Variants in MANBA observed in about 807,000 individuals in gnomAD.
The protein encoded by MANBA is mannosidase beta.
A neutral mutation model predicts 111.1 loss-of-function variants in MANBA; 83 were observed. The ratio of observed to expected loss-of-function variants is 0.75; its 90% CI spans 0.63 to 0.90. The LOEUF is 0.90. MANBA is among the 40% of genes least tolerant of loss of function. The pLI is 0.00. For missense variants in MANBA, 1,036 were observed against 1,069.0 expected, an observed-to-expected ratio of 0.97 and a Z score of 0.43; for synonymous variants, 370 against 378.7, an observed-to-expected ratio of 0.98 and a Z score of 0.27.
At chr4:102,722,159 G>T (rs1168933147) in intron 4 of MANBA, among the ~76,000 whole-genome samples, 1 of 151,994 alleles carries the variant, frequency 6.6e-6, no homozygotes, top group Non-Finnish European at 1.5e-5. Context: ...ATGGGTAATG[G>T]GTAGAGTTTC....
chr4:102,681,464 AT>A (rs1189194323), intron 7 of MANBA: 1 of 152,242 alleles, frequency 6.6e-6, no homozygotes, highest in Non-Finnish European at 1.5e-5. Flanking sequence ...ATTTAAAAAA[AT>A]AAATTTCAAT....
rs1176451415 is a variant in MANBA at position 102,635,993 on chromosome 4, A to G, written c.2029T>C (p.Trp677Arg). 2.5e-6 allele frequency: 4 copies of G among 1,613,698 alleles called. No homozygotes were observed. The highest frequency in any genetic ancestry group is 3.4e-6 in the Non-Finnish European group (4 of 1,179,718). The change falls in exon 15 of 17, where the codon TGG (tryptophan) becomes CGG (arginine). Residue 677 changes from tryptophan (W) to arginine (R), a missense_variant. Transcript: ENST00000647097. ...SWASLEYGGK[W>R]KMLHYFAQNF... is the part of the protein sequence containing the mutation. ...TGAGCAAAGTAATGAAGCATTTTCC[A>G]CTTTCCTCCGTACTCTGAAAATAAT...
intron 13 of MANBA, among the ~76,000 whole-genome samples, chr4:102,649,185 G>C (rs1175118995): frequency 9.9e-5 from 15 of 151,906 alleles, no homozygotes; most frequent in Admixed American, 9.8e-4. Flanking sequence ...TTCTACTTTG[G>C]GGCTATTGTG....
At position 102,635,887 on chromosome 4, in the gene MANBA, G is replaced by A. The variant is rs766807816; in HGVS notation, c.2135C>T (p.Ser712Leu). Residue 712 changes from serine to leucine, a missense_variant, in exon 15 of 17, where the codon TCG becomes TTG. Ser to Leu is a moderately radical substitution (Grantham distance 145). Transcript: ENST00000647097. The part of the protein sequence containing the change: ...FYIYGVSDLH[S>L]DYSMTLSVRV... ...TACACTGAGTGTCATCGAATAATCC[G>A]AGTGAAGATCTGACACACCATAGAT... 99 of 1,612,338 alleles carry A rather than the reference G, an allele frequency of 6.1e-5. No homozygotes were observed. The highest frequency in any genetic ancestry group is 7.7e-5 in the Non-Finnish European group (91 of 1,178,498).
chr4:102,673,463 A>T (rs193007818), intron 8 of MANBA, among the ~76,000 whole-genome samples: 2 of 151,640 alleles, frequency 1.3e-5, no homozygotes, highest in African/African-American at 4.8e-5. Context: ...AGCTGAGATC[A>T]CGCGACTGCA....
chr4:102,739,294 T>G (rs1197032199), intron 1 of MANBA, among the ~76,000 whole-genome samples: 1 of 152,042 alleles, frequency 6.6e-6, no homozygotes, highest in Non-Finnish European at 1.5e-5. Context: ...CAAGTAGTGG[T>G]GTTGAAAGAG....
At chr4:102,739,501 C>T (rs1723330380) in intron 1 of MANBA, among the ~76,000 whole-genome samples, 2 of 152,052 alleles carry the variant, frequency 1.3e-5, no homozygotes, top group Admixed American at 1.3e-4. Context: ...ACATAACATA[C>T]AAAAACTACA....
chr4:102,700,368 C>G (rs1732968975), intron 5 of MANBA, among the ~76,000 whole-genome samples: 1 of 151,972 alleles, frequency 6.6e-6, no homozygotes, highest in East Asian at 1.9e-4. Flanking sequence ...TTCAGTTCTG[C>G]TCTGATTTTA....
chr4:102,732,310 T>C (rs899175443), intron 1 of MANBA, among the ~76,000 whole-genome samples: 6 of 152,180 alleles, frequency 3.9e-5, no homozygotes, highest in African/African-American at 1.4e-4. Flanking sequence ...GAACAATATA[T>C]AGAAGGGAAT....
intron 1 of MANBA, chr4:102,727,190 T>TGGAGTCTGGGAG: frequency 2.7e-6 from 1 of 365,108 alleles, no homozygotes; most frequent in Non-Finnish European, 5.2e-6. Flanking sequence ...GAGTCCCAGG[T>TGGAGTCTGGGAG]TCTCCTGTGT....
chr4:102,697,437 T>C (rs2110251819), intron 5 of MANBA, among the ~76,000 whole-genome samples: 1 of 152,114 alleles, frequency 6.6e-6, no homozygotes, highest in African/African-American at 2.4e-5. Context: ...ACATGTGCCA[T>C]GCTGGTGCGC....
chr4:102,726,833 G>A (rs1184768639), intron 1 of MANBA, 150 bp from the exon 2 acceptor site: 7 of 598,780 alleles, frequency 1.2e-5, no homozygotes, highest in East Asian at 2.8e-5. Context: ...GGGACAGATC[G>A]TTAATACTGA....
rs182974374 is a variant in MANBA, at chr4:102,641,326, G to T, written c.1870-1469C>A. Reference sequence around the variant, plus strand: ...GTGAGAATTGCAGGGGCCAGACCCTGGAAGGCCACATGTTGAAGGTGTTGG... The same window carrying T: ...GTGAGAATTGCAGGGGCCAGACCCTTGAAGGCCACATGTTGAAGGTGTTGG... On this transcript the variant is annotated intron_variant, in intron 13 of 16. Transcript: ENST00000647097. Among the ~76,000 whole-genome samples, 4 of 152,294 alleles carry T rather than the reference G, an allele frequency of 2.6e-5. No homozygotes were observed. The East Asian group carries it at 7.7e-4, about 29-fold the overall frequency.
chr4:102,706,205 G>A (rs537273551), intron 5 of MANBA, among the ~76,000 whole-genome samples: 33 of 152,234 alleles, frequency 2.2e-4, no homozygotes, highest in African/African-American at 7.9e-4. Flanking sequence ...GAAGCCCAAG[G>A]ACAGGCACAC....
Position 102,687,470 on chromosome 4 carries a change from A to G in MANBA, c.960+2104T>C, listed in dbSNP as rs73836835. On this transcript the variant is annotated intron_variant, in intron 7 of 16. Coordinates refer to ENST00000647097, the MANE Select transcript of MANBA (RefSeq NM_005908.4). ...AGGACTTTGTCCTAGCTACTTTTAC[A>G]ACACCATCTCTTGTTCTTCAACTTC... 9.1e-3 allele frequency among the ~76,000 whole-genome samples: 1,392 copies of G among 152,280 alleles called. 28 individuals carry two copies. Among genetic ancestry groups the G allele is most frequent in the African/African-American group, 0.032 (1,322 of 41,548 alleles).
At chr4:102,732,653 T>G (rs1465437392) in intron 1 of MANBA, among the ~76,000 whole-genome samples, 1 of 152,184 alleles carries the variant, frequency 6.6e-6, no homozygotes, top group Non-Finnish European at 1.5e-5. Context: ...CAAACTGGCT[T>G]TTAAGGTCTG....
intron 1 of MANBA, among the ~76,000 whole-genome samples, chr4:102,740,317 C>T (rs1723356516): frequency 6.6e-6 from 1 of 152,202 alleles, no homozygotes; most frequent in Non-Finnish European, 1.5e-5. Flanking sequence ...AATGGAAACA[C>T]ATCCCATGCT....
Position 102,760,855 on chromosome 4 carries a change from C to T in MANBA, c.40G>A (p.Ala14Thr). Residue 14 changes from alanine (A) to threonine (T), a missense_variant, in exon 1 of 17, where the codon GCA becomes ACA. Transcript: ENST00000647097. ...HLLLLLALCG[A>T]GTTAAELSYS... is the part of the protein sequence containing the mutation. ...CTGAGCTCCGCGGCGGTGGTGCCTGCACCGCACAGCGCGAGCAGCAGGAGC... is the reference window on the plus strand; with the variant it reads ...CTGAGCTCCGCGGCGGTGGTGCCTGTACCGCACAGCGCGAGCAGCAGGAGC... 2 of 1,571,542 alleles carry T rather than the reference C, an allele frequency of 1.3e-6. No homozygotes were observed.
chr4:102,659,050 C>CAGAGAAAGAGAGAGAG (rs1049639370), intron 11 of MANBA: 6 of 152,060 alleles, frequency 3.9e-5, no homozygotes, highest in East Asian at 1.9e-4. Context: ...GGGAGAGAGA[C>CAGAGAAAGAGAGAGAG]AGAGAAAGAG....
Sources: allele counts gnomAD v4.1 joint callset (sites outside exome capture counted in the v4.1 genomes callset), GRCh38; gene constraint gnomAD v4.1.1; transcripts MANE v1.5; gene names NCBI Gene and HGNC (gene_info 2026-07-23, HGNC 2026-07-21).